MYO1C: variants seen among roughly 807,000 people sequenced by gnomAD.
MYO1C encodes the protein unconventional myosin-Ic.
In MYO1C, 104 loss-of-function variants were observed where a neutral mutation model predicts 150.8. That is an observed-to-expected ratio of 0.69 (90% CI 0.59 to 0.81). The LOEUF (loss-of-function observed/expected upper bound fraction) is 0.81, where lower values mean the gene tolerates loss of function less well. Among genes scored for constraint, MYO1C ranks in the 30% least tolerant of loss-of-function variants. MYO1C has a pLI of 0.00. For synonymous variants in MYO1C, 663 were observed against 579.9 expected, an observed-to-expected ratio of 1.14 and a Z score of -2.06; for missense variants, 1,504 against 1,435.0, an observed-to-expected ratio of 1.05 and a Z score of -0.78.
chr17:1,484,078 G>A (rs1240150190), intron 2 of MYO1C, 70 bp downstream of exon 2: 3 of 1,560,090 alleles, frequency 1.9e-6, no homozygotes, highest in African/African-American at 2.7e-5. Flanking sequence ...GACCCTTGGT[G>A]TCTCTTTCCC....
At chr17:1,491,136 C>T (rs2074724859) in intron 1 of MYO1C, 1 of 152,306 alleles carries the variant, frequency 6.6e-6, no homozygotes, top group African/African-American at 2.4e-5. Flanking sequence ...GAATGAATCT[C>T]AGAGCCAGGC....
At chr17:1,466,479 C>T (rs528130755) in intron 31 of MYO1C, among the ~76,000 whole-genome samples, 11 of 152,130 alleles carry the variant, frequency 7.2e-5, no homozygotes, top group South Asian at 2.1e-4. Context: ...TACAGGCATG[C>T]GCCACCACAC....
In MYO1C at chr17:1,478,143, A is replaced by G; in HGVS notation, c.1345T>C (p.Phe449Leu). ...NYCNEKLQQL[F>L]IELTLKSEQE... The stretch of plus-strand genomic sequence containing the variant: ...TCCGACTTGAGCGTGAGCTCGATGA[A>G]GAGCTGCTGCAGCTTCTCGTTGCAG... The change falls in exon 12 of 32, where the codon TTC becomes CTC. Residue 449 changes from phenylalanine to leucine, a missense_variant. Physicochemically the swap from Phe to Leu is conservative, Grantham distance 22. Coordinates refer to ENST00000648651, the MANE Select transcript of MYO1C (RefSeq NM_001080779.2). This position sits in a 1 kb window ranked among gnomAD's most constrained non-coding sequence, Gnocchi z 6.3. The G allele has an allele frequency of 2.5e-6, 4 of 1,614,112 alleles. No homozygotes were observed. The highest frequency in any genetic ancestry group is 1.6e-4 in the Middle Eastern group (1 of 6,062).
rs770515161 is a variant in MYO1C at position 1,474,825 on chromosome 17, CG to C, written c.1702del (p.Arg568GlyfsTer15). On this transcript the variant is annotated frameshift_variant, in exon 16 of 32. Transcript: ENST00000648651. LOFTEE classifies it high-confidence loss of function. ...CGTCCTCCTCACCTCCTTAAGGTTC[CG>C]GAAGAGAAGGTCATTGTTTTTGTCC... Reference protein sequence around the residue: ...FLDKNNDLLFRNLKETMCSSK... With the variant: ...FLDKNNDLLFXNLKETMCSSK... 6.2e-7 allele frequency: 1 copy of C among 1,614,002 alleles called. No individual in the cohort carries two copies.
In MYO1C at chr17:1,479,513, C is replaced by A. The variant is rs1192453091; in HGVS notation, c.1021-11G>T. 4 of 1,511,050 alleles carry A rather than the reference C, an allele frequency of 2.6e-6. No individual in the cohort carries two copies. The Admixed American group carries it at 7.6e-5, about 29-fold the overall frequency. 93.6% of individuals were successfully genotyped at this position (1,511,050 alleles called of 1,614,324 possible). A position where few individuals can be genotyped will look rare whatever the true frequency, so the allele number is the denominator to read the frequency against. ...TTCCACGCTGAGGAGCTGCCAAGGG[C>A]AGGCGAGGACACGGTGAGGGTGCAC... On this transcript the variant is annotated splice_polypyrimidine_tract_variant and intron_variant, in intron 8 of 31. Coordinates refer to ENST00000648651, the MANE Select transcript of MYO1C (RefSeq NM_001080779.2). This position sits in a 1 kb window ranked among gnomAD's most constrained non-coding sequence, Gnocchi z 4.2.
In MYO1C at chr17:1,482,533, C is replaced by T. The variant is rs200316832; in HGVS notation, c.572G>A (p.Arg191Gln). The T allele has an allele frequency of 6.2e-6, 10 of 1,614,044 alleles. No homozygotes were observed. In the East Asian group the frequency reaches 6.7e-5, roughly 11 times the overall value. Residue 191 changes from arginine (R) to glutamine (Q), a missense_variant, in exon 5 of 32, where the codon CGG (arginine) becomes CAG (glutamine). Coordinates refer to ENST00000648651, the MANE Select transcript of MYO1C (RefSeq NM_001080779.2). ...LEAFGNAKTLRNDNSSRFGKY... is the reference protein window; with the variant it reads ...LEAFGNAKTLQNDNSSRFGKY... ...CCCGAACCTGCTGGAGTTATCGTTC[C>T]GGAGGGTCTTGGCATTTCCAAAGGC...
chr17:1,470,747 G>A, intron 21 of MYO1C, 58 bp from the exon 22 acceptor site: 1 of 1,531,380 alleles, frequency 6.5e-7, no homozygotes, highest in Non-Finnish European at 8.9e-7. Context: ...TGGGAGCCTG[G>A]TGCCGTGTGC....
In MYO1C at chr17:1,470,318, C is replaced by T. The variant is rs8081370; in HGVS notation, c.2383G>A (p.Val795Ile). ...QTIRRLIRGF[V>I]LRHAPRCPEN... ...GGGCAGCGGGGGGCGTGGCGCAGGA[C>T]GAAGCCTCGGATGAGCCTGGGGTGG... is the stretch of plus-strand genomic sequence containing the variant. The change falls in exon 24 of 32, where the codon GTC becomes ATC. Residue 795 changes from valine (V) to isoleucine (I), a missense_variant. Transcript: ENST00000648651. 0.89 allele frequency: 1,383,336 copies of T among 1,550,500 alleles called. 620,210 individuals are homozygous for T. Among genetic ancestry groups the T allele is most frequent in the African/African-American group, 0.98 (71,655 of 72,930 alleles).
chr17:1,465,695 G>A lies in MYO1C; in HGVS notation c.*31C>T, dbSNP rs777992599. 4.5e-6 allele frequency: 6 copies of A among 1,330,680 alleles called. No homozygotes were observed. The highest frequency in any genetic ancestry group is 6.1e-5 in the Admixed American group (2 of 32,946). The allele number at this position is 1,330,680 out of a possible 1,614,324, so 82.4% of individuals were successfully genotyped here. A position where few individuals can be genotyped will look rare whatever the true frequency, so the allele number is the denominator to read the frequency against. On this transcript the variant is annotated 3_prime_UTR_variant, in exon 32 of 32. Transcript: ENST00000648651. ...GGGAGGAGGAGAAAAGCAAAGCATTGGGCGTTGGGAGGGTCCAGTGGGCGC... is the reference window on the plus strand; with the variant it reads ...GGGAGGAGGAGAAAAGCAAAGCATTAGGCGTTGGGAGGGTCCAGTGGGCGC...
chr17:1,485,483 A>T, intron 1 of MYO1C: 3 of 613,650 alleles, frequency 4.9e-6, no homozygotes, highest in Non-Finnish European at 6.4e-6. Flanking sequence ...CCGCGTTCTC[A>T]GGCGTCCCCG....
At chr17:1,485,784 C>G in intron 1 of MYO1C, 1 of 860,186 alleles carries the variant, frequency 1.2e-6, no homozygotes, top group Non-Finnish European at 1.4e-6. Context: ...GTGGCGGCGG[C>G]GTCAGCGAGG....
chr17:1,479,609 G>A lies in MYO1C; in HGVS notation c.1003C>T (p.Leu335Phe). ...CCACTCACCCTGGTCAGATACTTGA[G>A]CTGGTTCTCGGTGGTGACCTGGGCA... ...SNAQVTTENQ[L>F]KYLTRLLSVE... Residue 335 changes from leucine (L) to phenylalanine (F), a missense_variant, in exon 8 of 32, where the codon CTC (leucine) becomes TTC (phenylalanine). Transcript: ENST00000648651. The surrounding 1 kb of genome is among the most constrained non-coding windows in gnomAD (Gnocchi z 4.2). 6.2e-7 allele frequency: 1 copy of A among 1,613,246 alleles called. No homozygotes were observed.
intron 1 of MYO1C, 118 bp from the exon 2 acceptor site, chr17:1,484,421 G>C: frequency 3.9e-6 from 5 of 1,270,408 alleles, no homozygotes; most frequent in Non-Finnish European, 5.5e-6. Flanking sequence ...GGCTAGACAC[G>C]GGACATGAGC....
chr17:1,485,600 G>C, intron 1 of MYO1C: 1 of 979,038 alleles, frequency 1.0e-6, no homozygotes. Flanking sequence ...GAATTCCTGG[G>C]CCGCGCCCGC....
intron 4 of MYO1C, 62 bp from the exon 5 acceptor site, chr17:1,482,620 C>CCT: frequency 2.2e-6 from 3 of 1,374,632 alleles, no homozygotes; most frequent in Admixed American, 1.8e-5. Flanking sequence ...CCCACCCCGC[C>CCT]TTGTAGCTAC....
In MYO1C at chr17:1,467,449, G is replaced by A. The variant is rs45484695; in HGVS notation, c.3065+31C>T. 1.8e-3 allele frequency: 2,899 copies of A among 1,577,112 alleles called. 42 individuals carry two copies. The East Asian group carries it at 0.028, about 15-fold the overall frequency. ...CCCACACAGCCCCCTCGCCACCCCCGCCCTGTCCCCGGGGGCCGCCCGCGC... is the reference window on the plus strand; with the variant it reads ...CCCACACAGCCCCCTCGCCACCCCCACCCTGTCCCCGGGGGCCGCCCGCGC... On this transcript the variant is annotated intron_variant, in intron 30 of 31. Transcript: ENST00000648651.
Position 1,467,929 on chromosome 17 carries a change from G to A in MYO1C, c.2897-19C>T. ...GAGATTCCTGAGGGGAGAGGGCAAA[G>A]GTCAGAGGTCGAGGGTCAGAGCAGG... is the stretch of plus-strand genomic sequence containing the variant. On this transcript the variant is annotated intron_variant, in intron 28 of 31. Transcript: ENST00000648651. 2 of 1,612,750 alleles carry A rather than the reference G, an allele frequency of 1.2e-6. No homozygotes were observed. Among genetic ancestry groups the A allele is most frequent in the Non-Finnish European group, 1.7e-6 (2 of 1,179,816 alleles).
intron 14 of MYO1C, among the ~76,000 whole-genome samples, chr17:1,476,656 C>T (rs562358641): frequency 4.1e-4 from 63 of 152,316 alleles, no homozygotes; most frequent in South Asian, 3.9e-3. Context: ...GCAGGTGAAG[C>T]GACGACATGC....
chr17:1,476,031 G>A (rs1004930756), intron 14 of MYO1C, among the ~76,000 whole-genome samples: 3 of 152,304 alleles, frequency 2.0e-5, no homozygotes, highest in South Asian at 2.1e-4. Flanking sequence ...TTTGGGCGAC[G>A]GGATCACAGG....
Sources: gnomAD v4.1 joint callset for allele counts (sites outside exome capture counted in the v4.1 genomes callset) on GRCh38, gnomAD v4.1.1 for gene constraint, Gnocchi (gnomAD v3.1) non-coding constraint, MANE v1.5 for transcripts, NCBI Gene and HGNC (gene_info 2026-07-23, HGNC 2026-07-21) for gene names.